Variants in DYNC1I1 observed in about 807,000 individuals in gnomAD.
The protein encoded by DYNC1I1 is dynein cytoplasmic 1 intermediate chain 1.
Under a neutral mutation model 86.6 loss-of-function variants are expected in DYNC1I1, and 43 were observed. The ratio of observed to expected loss-of-function variants is 0.50; its 90% CI spans 0.39 to 0.64. The LOEUF (loss-of-function observed/expected upper bound fraction) is 0.64, where lower values mean the gene tolerates loss of function less well. Among genes scored for constraint, DYNC1I1 ranks in the 30% least tolerant of loss-of-function variants. The pLI, the probability that DYNC1I1 is intolerant of heterozygous loss-of-function variation, is 0.00. For synonymous variants in DYNC1I1, 262 were observed against 283.7 expected, an observed-to-expected ratio of 0.92 and a Z score of 0.77; for missense variants, 604 against 788.8, an observed-to-expected ratio of 0.77 and a Z score of 2.81.
intron 7 of DYNC1I1, among the ~76,000 whole-genome samples, chr7:95,979,437 A>G (rs373724042): frequency 1.1e-4 from 16 of 152,220 alleles, no homozygotes; most frequent in African/African-American, 3.9e-4. Context: ...TTGCTAAATT[A>G]TCATTAGTAG....
intron 6 of DYNC1I1, among the ~76,000 whole-genome samples, chr7:95,954,174 G>A (rs1191305741): frequency 6.6e-6 from 1 of 151,488 alleles, no homozygotes; most frequent in Non-Finnish European, 1.5e-5. Context: ...CTCAAAACAG[G>A]CAATTCCGTG....
intron 9 of DYNC1I1, 30 bp downstream of exon 9, chr7:95,987,185 T>C: frequency 6.4e-7 from 1 of 1,572,432 alleles, no homozygotes; most frequent in Non-Finnish European, 8.7e-7. Context: ...TGGGACAAAC[T>C]GGGCTTGTGT....
intron 6 of DYNC1I1, among the ~76,000 whole-genome samples, chr7:95,939,566 T>G (rs1213814215): frequency 6.6e-6 from 1 of 151,050 alleles, no homozygotes; most frequent in African/African-American, 2.4e-5. Flanking sequence ...ATTCTTTGTC[T>G]CTTTTGATCT....
chr7:95,889,754 C>G (rs1469778609), intron 6 of DYNC1I1, among the ~76,000 whole-genome samples: 1 of 152,076 alleles, frequency 6.6e-6, no homozygotes, highest in Non-Finnish European at 1.5e-5. Flanking sequence ...ACAACAACAA[C>G]AACAACACCC....
intron 1 of DYNC1I1, among the ~76,000 whole-genome samples, chr7:95,783,581 A>T (rs1274844635): frequency 6.6e-6 from 1 of 152,264 alleles, no homozygotes. Context: ...TACAATGTGG[A>T]TTCAAAGAAG....
intron 5 of DYNC1I1, among the ~76,000 whole-genome samples, chr7:95,864,002 T>G (rs181974031): frequency 1.3e-5 from 2 of 152,372 alleles, no homozygotes; most frequent in East Asian, 3.9e-4. Flanking sequence ...AATATATTTT[T>G]TAGAATTCCA....
chr7:96,062,172 G>T (rs1789801392), intron 14 of DYNC1I1, among the ~76,000 whole-genome samples: 1 of 152,186 alleles, frequency 6.6e-6, no homozygotes, highest in Admixed American at 6.5e-5. Flanking sequence ...TATTTTCTAG[G>T]TAATTTTAAG....
intron 6 of DYNC1I1, among the ~76,000 whole-genome samples, chr7:95,947,683 C>T (rs1358282321): frequency 2.0e-5 from 3 of 152,132 alleles, no homozygotes; most frequent in Non-Finnish European, 2.9e-5. Flanking sequence ...TGATATCTCT[C>T]CAGTTCCCTC....
intron 10 of DYNC1I1, among the ~76,000 whole-genome samples, chr7:95,996,421 C>T (rs550498112): frequency 6.6e-6 from 1 of 152,310 alleles, no homozygotes; most frequent in East Asian, 1.9e-4. Flanking sequence ...ATCCTCAGAG[C>T]ACTACCATTT....
chr7:95,849,327 G>A (rs1484015337), intron 5 of DYNC1I1, among the ~76,000 whole-genome samples: 1 of 151,954 alleles, frequency 6.6e-6, no homozygotes, highest in Non-Finnish European at 1.5e-5. Flanking sequence ...TTTCTTGTTA[G>A]GTTTTCTTAT....
chr7:95,867,363 A>G (rs1488235359), intron 5 of DYNC1I1, among the ~76,000 whole-genome samples: 1 of 152,210 alleles, frequency 6.6e-6, no homozygotes, highest in Non-Finnish European at 1.5e-5. Flanking sequence ...CAACTCAATG[A>G]CAGGTACCCA....
At chr7:95,773,879 A>C (rs911151596) in intron 1 of DYNC1I1, among the ~76,000 whole-genome samples, 2 of 152,182 alleles carry the variant, frequency 1.3e-5, no homozygotes, top group Non-Finnish European at 2.9e-5. Context: ...ATAGAGATAT[A>C]CGTTGATCAG....
chr7:95,792,846 C>A (rs933053657), intron 1 of DYNC1I1, among the ~76,000 whole-genome samples: 2 of 151,836 alleles, frequency 1.3e-5, no homozygotes, highest in African/African-American at 4.8e-5. Context: ...TCAGGTTAAA[C>A]ATGGTGAGAA....
intron 16 of DYNC1I1, among the ~76,000 whole-genome samples, chr7:96,092,394 A>G (rs1359428129): frequency 2.6e-5 from 4 of 152,312 alleles, no homozygotes; most frequent in Admixed American, 1.3e-4. Context: ...GGATCTTACA[A>G]TTTGTTTCAC....
chr7:95,991,883 T>C (rs2115730895), intron 9 of DYNC1I1, among the ~76,000 whole-genome samples: 1 of 152,198 alleles, frequency 6.6e-6, no homozygotes, highest in African/African-American at 2.4e-5. Flanking sequence ...TATTTTGAGA[T>C]GGAGTCTCAC....
At chr7:96,017,585 G>A (rs113012431) in intron 10 of DYNC1I1, among the ~76,000 whole-genome samples, 234 of 152,194 alleles carry the variant, frequency 1.5e-3, no homozygotes, top group African/African-American at 5.3e-3. Context: ...CTCTCAATGA[G>A]ACAACTGTGA....
At chr7:95,952,863 GT>G (rs1217967378) in intron 6 of DYNC1I1, among the ~76,000 whole-genome samples, 1 of 151,810 alleles carries the variant, frequency 6.6e-6, no homozygotes, top group Non-Finnish European at 1.5e-5. Context: ...GCTTCAGTGT[GT>G]GGCTGCATTC....
intron 1 of DYNC1I1, among the ~76,000 whole-genome samples, chr7:95,783,080 C>T: frequency 6.6e-6 from 1 of 152,090 alleles, no homozygotes; most frequent in Non-Finnish European, 1.5e-5. Flanking sequence ...AATGCCTGTT[C>T]CCATTTAGGG....
intron 9 of DYNC1I1, among the ~76,000 whole-genome samples, chr7:95,989,991 C>T (rs909230955): frequency 6.6e-6 from 1 of 151,846 alleles, no homozygotes; most frequent in African/African-American, 2.4e-5. Flanking sequence ...GCAGTGGTGG[C>T]GTGTGTGTCT....
Sources: gnomAD v4.1 joint callset for allele counts (sites outside exome capture counted in the v4.1 genomes callset) on GRCh38, gnomAD v4.1.1 for gene constraint, MANE v1.5 for transcripts, NCBI Gene and HGNC (gene_info 2026-07-23, HGNC 2026-07-21) for gene names.